ARL6IP4: variants seen among roughly 807,000 people sequenced by gnomAD.
ARL6IP4 encodes ADP-ribosylation factor-like protein 6-interacting protein 4.
ARL6IP4 carries 24 observed loss-of-function variants against 28.1 expected under a neutral mutation model. That is an observed-to-expected ratio of 0.86 (90% CI 0.62 to 1.20). The LOEUF is 1.20. ARL6IP4 is among the 50% of genes most tolerant of loss of function. The pLI is 0.00. For missense variants in ARL6IP4, 343 were observed against 302.4 expected, an observed-to-expected ratio of 1.13 and a Z score of -1.00; for synonymous variants, 162 against 122.3, an observed-to-expected ratio of 1.32 and a Z score of -2.14.
chr12:122,982,172 G>T, intron 4 of ARL6IP4, 98 bp downstream of exon 4: 2 of 1,416,408 alleles, frequency 1.4e-6, no homozygotes, highest in Non-Finnish European at 2.0e-6. Context: ...GGTTCCTGGT[G>T]CCTGAAAAAG....
chr12:122,982,445 G>A (rs1196183314), intron 4 of ARL6IP4, 24 bp from the exon 5 acceptor site: 2 of 1,598,442 alleles, frequency 1.3e-6, no homozygotes, highest in African/African-American at 2.7e-5. Flanking sequence ...ATTCCTTGCT[G>A]AACGGAGACC....
Position 122,981,263 on chromosome 12 carries a change from C to T in ARL6IP4, c.124C>T (p.Gln42Ter). The change falls in exon 2 of 6, where the codon CAA becomes TAA. Residue 42 changes from glutamine to a stop codon, truncating the protein, a stop_gained. Transcript: ENST00000315580. LOFTEE classifies it high-confidence loss of function. ...GAGGAACTGCTCGGCCTCCACATCC[C>T]AAGGTCGCAAGGCCAGCACGGCCCC... ...TSRNCSASTS[Q>*]GRKASTAPGA... The T allele has an allele frequency of 6.5e-7, 1 of 1,549,788 alleles. No homozygotes were observed. The highest frequency in any genetic ancestry group is 2.0e-5 in the Admixed American group (1 of 50,914).
Position 122,982,663 on chromosome 12 carries a change from G to C in ARL6IP4, c.701G>C (p.Gly234Ala). The change falls in exon 6 of 6, where the codon GGG becomes GCG. Residue 234 changes from glycine (G) to alanine (A), a missense_variant. Gly to Ala is a moderately conservative substitution (Grantham distance 60). Coordinates refer to ENST00000315580, the MANE Select transcript of ARL6IP4 (RefSeq NM_018694.4). ...TGCCTGGCCTTCCAGATGCGAGCTGGGTTGCTTCCCTGAGGGCCCCCGCTG... is the reference window on the plus strand; with the variant it reads ...TGCCTGGCCTTCCAGATGCGAGCTGCGTTGCTTCCCTGAGGGCCCCCGCTG... ...GDCLAFQMRA[G>A]LLP 1 of 1,613,884 alleles carries C rather than the reference G, an allele frequency of 6.2e-7. No homozygotes were observed. Among genetic ancestry groups the C allele is most frequent in the Non-Finnish European group, 8.5e-7 (1 of 1,180,032 alleles).
At position 122,981,109 on chromosome 12, in the gene ARL6IP4, C is replaced by T. The variant is rs532104717; in HGVS notation, c.-11-20C>T. On this transcript the variant is annotated intron_variant, in intron 1 of 5. Coordinates refer to ENST00000315580, the MANE Select transcript of ARL6IP4 (RefSeq NM_018694.4). ...CCGGCCTTGGGGGCTTCGGCTCAAG[C>T]GCGTCTTCTTCGTCGCCAGCCCGCG... 1.1e-5 allele frequency: 17 copies of T among 1,545,788 alleles called. No individual in the cohort carries two copies. Among genetic ancestry groups the T allele is most frequent in the African/African-American group, 2.8e-5 (2 of 72,560 alleles).
At chr12:122,980,445 C>T (rs1476805993), upstream of ARL6IP4, 17 of 1,362,154 alleles carry the variant, frequency 1.2e-5, no homozygotes, top group Non-Finnish European at 1.6e-5. Context: ...TCGCCTTCTT[C>T]CCAGGGCACC....
At chr12:122,980,660 C>A (rs2037600857), upstream of ARL6IP4, 2 of 1,375,356 alleles carry the variant, frequency 1.5e-6, no homozygotes, top group Non-Finnish European at 1.9e-6. Context: ...CAGCCTCCCG[C>A]GCAGCGCCCC....
chr12:122,980,280 C>T (rs902795645), upstream of ARL6IP4: 5 of 1,257,176 alleles, frequency 4.0e-6, no homozygotes, highest in Non-Finnish European at 4.0e-6. Context: ...TGCCCGCGCT[C>T]ACTGCCAAGA....
rs1157725970 is a variant in ARL6IP4 at position 122,981,185 on chromosome 12, T to TC, written c.49dup (p.Arg17ProfsTer69). 1 of 1,549,632 alleles carries TC rather than the reference T, an allele frequency of 6.5e-7. No individual in the cohort carries two copies. The highest frequency in any genetic ancestry group is 1.2e-5 in the South Asian group (1 of 84,014). ...CAAGCGCTCGAGGAGTCGCAGCCGG[T>TC]CCCGGGGACGGGGGTCGGAAAAGAG... On this transcript the variant is annotated frameshift_variant, in exon 2 of 6. Coordinates refer to ENST00000315580, the MANE Select transcript of ARL6IP4 (RefSeq NM_018694.4). LOFTEE classifies it high-confidence loss of function.
At chr12:122,980,672 G>A, upstream of ARL6IP4, 6 of 1,356,780 alleles carry the variant, frequency 4.4e-6, no homozygotes, top group Non-Finnish European at 5.7e-6. Context: ...CAGCGCCCCG[G>A]CCGGAAGCCT....
rs368998231 is a variant in ARL6IP4 at position 122,981,535 on chromosome 12, G to T, written c.161-36G>T. On this transcript the variant is annotated intron_variant, in intron 2 of 5. Coordinates refer to ENST00000315580, the MANE Select transcript of ARL6IP4 (RefSeq NM_018694.4). The stretch of plus-strand genomic sequence containing the variant: ...GTGCCTGCCCCAGGCCAGAGCAGGG[G>T]ACGAAGGTTTACCTCTTCCCCTCCT... The T allele has an allele frequency of 7.3e-6, 11 of 1,505,304 alleles. No homozygotes were observed. In the African/African-American group the frequency reaches 1.4e-4, roughly 19 times the overall value. 93.2% of individuals were successfully genotyped at this position (1,505,304 alleles called of 1,614,324 possible).
At chr12:122,981,035 G>T (rs2037622563) in intron 1 of ARL6IP4, 94 bp from the exon 2 acceptor site, 1 of 1,432,454 alleles carries the variant, frequency 7.0e-7, no homozygotes, top group Admixed American at 2.9e-5. Flanking sequence ...GGTACTGGGC[G>T]TCGCCAGGCC....
At chr12:122,980,846 CTCGCGGCG>C (rs2037612954) in intron 1 of ARL6IP4, 101 bp downstream of exon 1, 6 of 1,332,078 alleles carry the variant, frequency 4.5e-6, no homozygotes, top group Non-Finnish European at 5.7e-6. Context: ...CCAGACGCCA[CTCGCGGCG>C]GACGGCGGCC....
rs538061278 is a variant in ARL6IP4, at chr12:122,981,966, A to T, written c.479A>T (p.Asp160Val). The T allele has an allele frequency of 1.2e-6, 2 of 1,613,774 alleles. No homozygotes were observed. Among genetic ancestry groups the T allele is most frequent in the African/African-American group, 1.3e-5 (1 of 75,034 alleles). The change falls in exon 4 of 6, where the codon GAT (aspartate) becomes GTT (valine). Residue 160 changes from aspartate (D) to valine (V), a missense_variant. Physicochemically the swap from Asp to Val is radical, Grantham distance 152. Transcript: ENST00000315580. ...GEEEDGPVLT[D>V]EQKSRIQAMK... ...CCGTCTTCCCTTCCAGTCCTGACGGATGAGCAGAAGTCCCGAATCCAGGCC... is the reference window on the plus strand; with the variant it reads ...CCGTCTTCCCTTCCAGTCCTGACGGTTGAGCAGAAGTCCCGAATCCAGGCC...
At chr12:122,980,313 G>A, upstream of ARL6IP4, 1 of 1,291,552 alleles carries the variant, frequency 7.7e-7, no homozygotes, top group Non-Finnish European at 9.8e-7. Flanking sequence ...CTACGGACAC[G>A]AGTTTGCGAC....
At position 122,981,204 on chromosome 12, in the gene ARL6IP4, A is replaced by T. The variant is rs772860968; in HGVS notation, c.65A>T (p.Glu22Val). ...SRSRSRGRGSEKRKKKSRKDT... is the reference protein window; with the variant it reads ...SRSRSRGRGSVKRKKKSRKDT... ...AGCCGGTCCCGGGGACGGGGGTCGG[A>T]AAAGAGAAAGAAGAAGAGCAGGAAA... The change falls in exon 2 of 6, where the codon GAA becomes GTA. Residue 22 changes from glutamate to valine, a missense_variant. Coordinates refer to ENST00000315580, the MANE Select transcript of ARL6IP4 (RefSeq NM_018694.4). 49 of 1,549,480 alleles carry T rather than the reference A, an allele frequency of 3.2e-5. No homozygotes were observed. Among genetic ancestry groups the T allele is most frequent in the Middle Eastern group, 1.7e-4 (1 of 5,982 alleles).
intron 2 of ARL6IP4, 24 bp downstream of exon 2, chr12:122,981,323 G>C (rs1566218499): frequency 6.5e-7 from 1 of 1,532,798 alleles, no homozygotes; most frequent in East Asian, 2.5e-5. Context: ...GCATCGGGGA[G>C]AGGAGGCGCA....
upstream of ARL6IP4, chr12:122,980,636 G>T: frequency 7.1e-7 from 1 of 1,402,096 alleles, no homozygotes; most frequent in South Asian, 1.5e-5. Context: ...GCGGCGCCGC[G>T]CTTCCCAGCC....
At position 122,982,571 on chromosome 12, in the gene ARL6IP4, C is replaced by G. The variant is rs764855816; in HGVS notation, c.657+33C>G. On this transcript the variant is annotated intron_variant, in intron 5 of 5. Transcript: ENST00000315580. ...TGGCCCCTCTGCCTGCCATCCGCCC[C>G]CAGCTCTGTTTGTGATGTACCCCTC... The G allele has an allele frequency of 5.6e-6, 9 of 1,614,048 alleles. No individual in the cohort carries two copies. The South Asian group carries it at 9.9e-5, about 18-fold the overall frequency.
At chr12:122,981,352 C>T in intron 2 of ARL6IP4, 53 bp downstream of exon 2, 1 of 1,510,232 alleles carries the variant, frequency 6.6e-7, no homozygotes, top group Non-Finnish European at 8.9e-7. Flanking sequence ...CCGGGGAAGT[C>T]GGGCGAGCAG....
Sources: allele counts gnomAD v4.1 joint callset, GRCh38; gene constraint gnomAD v4.1.1; transcripts MANE v1.5; gene names NCBI Gene and HGNC (gene_info 2026-07-23, HGNC 2026-07-21).